NDUFAF6: variants seen among roughly 807,000 people sequenced by gnomAD.
The protein encoded by NDUFAF6 is NADH:ubiquinone oxidoreductase complex assembly factor 6, also known as NADH dehydrogenase (ubiquinone) complex I, assembly factor 6.
In NDUFAF6, 45 loss-of-function variants were observed where a neutral mutation model predicts 40.8. The ratio of observed to expected loss-of-function variants is 1.10; its 90% CI spans 0.87 to 1.42. The LOEUF (loss-of-function observed/expected upper bound fraction) is 1.42. Among genes scored for constraint, NDUFAF6 ranks in the 40% most tolerant of loss-of-function variants. NDUFAF6 has a pLI of 0.00. For missense variants in NDUFAF6, 435 were observed against 418.5 expected, an observed-to-expected ratio of 1.04 and a Z score of -0.34; for synonymous variants, 185 against 155.9, an observed-to-expected ratio of 1.19 and a Z score of -1.39.
intron 9 of NDUFAF6, among the ~76,000 whole-genome samples, chr8:95,065,524 TAGAAA>T (rs1371412363): frequency 6.6e-6 from 1 of 152,206 alleles, no homozygotes. Context: ...TAATATAATG[TAGAAA>T]AGAAGAGATT....
exon 5 of NDUFAF6, chr8:95,115,724 T>C (rs918147533): frequency 1.3e-5 from 2 of 152,228 alleles, no homozygotes; most frequent in Admixed American, 6.5e-5. Context: ...TGAGGGTCTT[T>C]ACGCAGCTTC....
chr8:94,981,544 G>T (rs1825441793), intron 2 of NDUFAF6, among the ~76,000 whole-genome samples: 1 of 152,164 alleles, frequency 6.6e-6, no homozygotes, highest in Non-Finnish European at 1.5e-5. Flanking sequence ...ACACATGGAA[G>T]GGAACACATC....
chr8:94,931,933 T>C lies in NDUFAF6; in HGVS notation c.-935-13550T>C, dbSNP rs142215779. The C allele has an allele frequency of 2.1e-3, 1,614 of 777,326 alleles. 12 individuals carry two copies. The African/African-American group carries it at 0.026, about 12-fold the overall frequency. The allele number at this position is 777,326 out of a possible 1,614,324, so 48.2% of individuals were successfully genotyped here. On this transcript the variant is annotated intron_variant, in intron 1 of 14. Transcript: ENST00000396113. ...GCTGCTGTGAGCCAATATCACACCA[T>C]TGCACTCCAGCCTGAGTGACAGAGT...
chr8:94,922,403 A>G (rs1271861855), intron 1 of NDUFAF6, among the ~76,000 whole-genome samples: 1 of 151,980 alleles, frequency 6.6e-6, no homozygotes, highest in East Asian at 1.9e-4. Flanking sequence ...CTCTTGAGCT[A>G]GCAGCATGCG....
chr8:95,050,566 A>G (rs945377140), intron 7 of NDUFAF6, among the ~76,000 whole-genome samples: 1 of 152,212 alleles, frequency 6.6e-6, no homozygotes, highest in African/African-American at 2.4e-5. Context: ...ATTTGGATAA[A>G]TGAGTTAACA....
chr8:94,940,017 C>T (rs749132682), intron 1 of NDUFAF6: 4 of 1,614,170 alleles, frequency 2.5e-6, no homozygotes, highest in South Asian at 2.2e-5. Context: ...AATCCACCTG[C>T]AGTAAAACAT....
At chr8:95,036,029 G>A (rs1411761934) in intron 3 of NDUFAF6, among the ~76,000 whole-genome samples, 1 of 152,220 alleles carries the variant, frequency 6.6e-6, no homozygotes, top group African/African-American at 2.4e-5. Flanking sequence ...CTTGCTCTCA[G>A]TGTTGTCCAG....
At chr8:95,048,850 C>T (rs1831111651) in intron 7 of NDUFAF6, among the ~76,000 whole-genome samples, 1 of 150,658 alleles carries the variant, frequency 6.6e-6, no homozygotes, top group Non-Finnish European at 1.5e-5. Flanking sequence ...GGGTGTCTTT[C>T]TGCCTTCCAA....
chr8:94,920,038 T>A (rs1287298913), intron 1 of NDUFAF6, among the ~76,000 whole-genome samples: 1 of 152,118 alleles, frequency 6.6e-6, no homozygotes, highest in Non-Finnish European at 1.5e-5. Context: ...AAAATACTCT[T>A]CTTGGAGGAT....
intron 1 of NDUFAF6, among the ~76,000 whole-genome samples, chr8:94,933,173 G>A (rs956561286): frequency 3.9e-5 from 6 of 152,156 alleles, no homozygotes; most frequent in Admixed American, 1.3e-4. Context: ...CCGAGATTGC[G>A]CCGCTGCAAT....
chr8:95,041,509 C>A, intron 3 of NDUFAF6, 61 bp from the exon 4 acceptor site: 1 of 1,164,836 alleles, frequency 8.6e-7, no homozygotes, highest in Non-Finnish European at 1.3e-6. Context: ...TCATTTTATT[C>A]AGATCTACAG....
At chr8:94,941,036 T>A in intron 1 of NDUFAF6, 1 of 849,384 alleles carries the variant, frequency 1.2e-6, no homozygotes, top group Non-Finnish European at 1.9e-6. Flanking sequence ...GACAGGAGAT[T>A]AAAGTGCACA....
At chr8:95,000,057 T>A (rs1433358959) in intron 2 of NDUFAF6, among the ~76,000 whole-genome samples, 4 of 142,634 alleles carry the variant, frequency 2.8e-5, no homozygotes, top group Non-Finnish European at 4.6e-5. Flanking sequence ...TTTTTTTTTT[T>A]AAAGAAGCTT....
At chr8:94,954,710 C>T (rs1822926113), upstream of NDUFAF6, among the ~76,000 whole-genome samples, 1 of 152,154 alleles carries the variant, frequency 6.6e-6, no homozygotes, top group Non-Finnish European at 1.5e-5. Context: ...TGTTCTCAGG[C>T]TACACAGTGT....
At chr8:94,969,000 A>AT (rs1824242863) in intron 1 of NDUFAF6, among the ~76,000 whole-genome samples, 1 of 152,226 alleles carries the variant, frequency 6.6e-6, no homozygotes, top group Non-Finnish European at 1.5e-5. Context: ...CTGAGAGAGC[A>AT]AATCAAGATT....
intron 2 of NDUFAF6, among the ~76,000 whole-genome samples, chr8:95,033,435 T>A (rs919541898): frequency 1.3e-5 from 2 of 152,222 alleles, no homozygotes; most frequent in Non-Finnish European, 2.9e-5. Flanking sequence ...TTGCTGCTGC[T>A]TTGCACATGG....
chr8:95,022,588 CAAAAAAA>C (rs77755094), upstream of NDUFAF6, among the ~76,000 whole-genome samples: 10 of 111,350 alleles, frequency 9.0e-5, no homozygotes, highest in African/African-American at 3.3e-4. Context: ...TTTACCCCTC[CAAAAAAA>C]AAAAAAAGAA....
At chr8:94,930,450 G>A (rs1442225315) in intron 1 of NDUFAF6, 2 of 1,612,532 alleles carry the variant, frequency 1.2e-6, no homozygotes, top group East Asian at 2.2e-5. Context: ...CACAAACCAA[G>A]AGAAACCAAC....
chr8:94,922,742 G>C (rs1390744873), intron 1 of NDUFAF6, among the ~76,000 whole-genome samples: 1 of 152,166 alleles, frequency 6.6e-6, no homozygotes, highest in Non-Finnish European at 1.5e-5. Flanking sequence ...GCCTCCCAAA[G>C]TGCTGGGACT....
Sources: allele counts gnomAD v4.1 joint callset (sites outside exome capture counted in the v4.1 genomes callset), GRCh38; gene constraint gnomAD v4.1.1; transcripts MANE v1.5; gene names NCBI Gene and HGNC (gene_info 2026-07-23, HGNC 2026-07-21).